The following SYT1 variants were observed in gnomAD, a reference collection of about 807,000 sequenced individuals.
The protein encoded by SYT1 is synaptotagmin 1, also known as synaptotagmin-1.
In SYT1, 8 loss-of-function variants were observed where a neutral mutation model predicts 44.8. The observed-to-expected ratio is 0.18, with a 90% confidence interval of 0.10 to 0.32. The LOEUF is 0.32. Ranked by LOEUF, SYT1 falls within the 10% of genes least tolerant of loss-of-function variation. SYT1 has a pLI of 1.00. For missense variants in SYT1, 286 were observed against 509.3 expected, an observed-to-expected ratio of 0.56 and a Z score of 4.22; for synonymous variants, 154 against 188.8, an observed-to-expected ratio of 0.82 and a Z score of 1.51.
At chr12:79,441,629 C>T (rs1025217606) in intron 9 of SYT1, among the ~76,000 whole-genome samples, 40 of 152,098 alleles carry the variant, frequency 2.6e-4, no homozygotes, top group Admixed American at 2.2e-3. Context: ...ACCCTCTGTT[C>T]TCTTTTTTAT....
At chr12:78,953,433 T>A (rs2137303952) in intron 1 of SYT1, among the ~76,000 whole-genome samples, 1 of 152,168 alleles carries the variant, frequency 6.6e-6, no homozygotes, top group Non-Finnish European at 1.5e-5. Flanking sequence ...CAGCATAGAG[T>A]GTGGCACATT....
At chr12:79,360,615 C>A (rs1483215387) in intron 9 of SYT1, among the ~76,000 whole-genome samples, 2 of 152,084 alleles carry the variant, frequency 1.3e-5, no homozygotes, top group Non-Finnish European at 2.9e-5. Context: ...CAGGGTCAAG[C>A]AATAATATGC....
intron 9 of SYT1, among the ~76,000 whole-genome samples, chr12:79,398,264 G>A (rs1884944976): frequency 6.6e-6 from 1 of 152,166 alleles, no homozygotes; most frequent in South Asian, 2.1e-4. Context: ...ACTTTAAGAA[G>A]ACAGAATACT....
intron 9 of SYT1, among the ~76,000 whole-genome samples, chr12:79,443,199 T>G (rs7959721): frequency 0.036 from 5,502 of 152,226 alleles, 209 homozygotes; most frequent in East Asian, 0.16. Flanking sequence ...TCTTCTCTTT[T>G]CCTCGAACAC....
intron 3 of SYT1, among the ~76,000 whole-genome samples, chr12:79,059,526 C>T (rs1448870450): frequency 1.1e-4 from 16 of 152,008 alleles, no homozygotes; most frequent in Non-Finnish European, 2.4e-4. Flanking sequence ...TTATACCTGG[C>T]CACCCAAAAC....
chr12:78,943,108 A>G (rs1878469224), intron 1 of SYT1, among the ~76,000 whole-genome samples: 1 of 152,184 alleles, frequency 6.6e-6, no homozygotes, highest in Non-Finnish European at 1.5e-5. Context: ...GAGCACAATA[A>G]TTTATAAGGG....
chr12:79,304,925 G>A (rs148495139), intron 8 of SYT1, among the ~76,000 whole-genome samples: 1 of 152,198 alleles, frequency 6.6e-6, no homozygotes, highest in East Asian at 1.9e-4. Flanking sequence ...AACTGCTACA[G>A]AAGTATAGAT....
intron 1 of SYT1, among the ~76,000 whole-genome samples, chr12:78,881,797 G>T (rs1238125741): frequency 4.0e-5 from 6 of 151,440 alleles, no homozygotes; most frequent in Non-Finnish European, 1.5e-5. Context: ...AAAAGAAGAA[G>T]AGTACCAGCT....
intron 1 of SYT1, among the ~76,000 whole-genome samples, chr12:78,921,289 G>A (rs146124323): frequency 1.3e-5 from 2 of 151,844 alleles, no homozygotes; most frequent in African/African-American, 2.4e-5. Context: ...ACTATAACAG[G>A]TTATCTATTG....
At chr12:78,969,612 T>C (rs773438090) in intron 1 of SYT1, among the ~76,000 whole-genome samples, 14 of 152,096 alleles carry the variant, frequency 9.2e-5, no homozygotes, top group Non-Finnish European at 1.6e-4. Flanking sequence ...GTAGCTTGGA[T>C]TGGAAGGAGT....
intron 3 of SYT1, among the ~76,000 whole-genome samples, chr12:79,164,910 G>C (rs989014473): frequency 1.3e-5 from 2 of 151,972 alleles, no homozygotes; most frequent in Non-Finnish European, 2.9e-5. Flanking sequence ...TTGATATAAA[G>C]TAAAAGGCAA....
intron 9 of SYT1, 105 bp from the exon 10 acceptor site, chr12:79,443,968 C>G: frequency 8.6e-7 from 1 of 1,162,702 alleles, no homozygotes; most frequent in Non-Finnish European, 1.2e-6. Context: ...TAAATACATG[C>G]TATATAATTA....
At chr12:79,178,955 GATATAGATATAGAT>G (rs1356390981) in intron 3 of SYT1, among the ~76,000 whole-genome samples, 1 of 47,450 alleles carries the variant, frequency 2.1e-5, no homozygotes, top group Non-Finnish European at 3.8e-5. Flanking sequence ...TATAGATATA[GATATAGATATAGAT>G]ATATAGATAT....
At chr12:79,333,975 G>T (rs1192561972) in intron 8 of SYT1, among the ~76,000 whole-genome samples, 1 of 151,836 alleles carries the variant, frequency 6.6e-6, no homozygotes. Flanking sequence ...TACATGGTCC[G>T]TGACATTGCT....
intron 1 of SYT1, among the ~76,000 whole-genome samples, chr12:78,934,195 A>G (rs1272476218): frequency 6.6e-6 from 1 of 150,736 alleles, no homozygotes; most frequent in East Asian, 2.0e-4. Flanking sequence ...CACACACCAT[A>G]CCTGTTGATA....
intron 3 of SYT1, among the ~76,000 whole-genome samples, chr12:79,066,009 G>A (rs1875821890): frequency 1.3e-5 from 2 of 152,002 alleles, no homozygotes; most frequent in Admixed American, 6.6e-5. Flanking sequence ...ATTGAATTAT[G>A]AGTCAGACAG....
At chr12:79,170,595 A>G (rs2138347525) in intron 3 of SYT1, among the ~76,000 whole-genome samples, 1 of 152,156 alleles carries the variant, frequency 6.6e-6, no homozygotes, top group South Asian at 2.1e-4. Context: ...GATGCTGGAT[A>G]TTAGACCTTT....
chr12:78,875,873 T>G (rs1418315424), intron 1 of SYT1, among the ~76,000 whole-genome samples: 1 of 151,700 alleles, frequency 6.6e-6, no homozygotes, highest in African/African-American at 2.4e-5. Flanking sequence ...TGCTTTTCTT[T>G]TATTCTGTAT....
At chr12:79,335,444 C>T (rs1882048660) in intron 8 of SYT1, among the ~76,000 whole-genome samples, 1 of 150,012 alleles carries the variant, frequency 6.7e-6, no homozygotes, top group Admixed American at 6.7e-5. Flanking sequence ...GGACTTCAAA[C>T]ACAGGTCCGT....
Sources: gnomAD v4.1 joint callset for allele counts (sites outside exome capture counted in the v4.1 genomes callset) on GRCh38, gnomAD v4.1.1 for gene constraint, MANE v1.5 for transcripts, NCBI Gene and HGNC (gene_info 2026-07-23, HGNC 2026-07-21) for gene names.